Variants in RPP40 observed in about 807,000 individuals in gnomAD.
RPP40 encodes the protein ribonuclease P/MRP subunit p40.
Under a neutral mutation model 42.5 loss-of-function variants are expected in RPP40, and 30 were observed. That is an observed-to-expected ratio of 0.71 (90% CI 0.53 to 0.96). The LOEUF is 0.96. Ranked by LOEUF, RPP40 falls within the 40% of genes least tolerant of loss-of-function variation. RPP40 has a pLI of 0.00. For missense variants in RPP40, 426 were observed against 433.5 expected, an observed-to-expected ratio of 0.98 and a Z score of 0.15; for synonymous variants, 173 against 164.0, an observed-to-expected ratio of 1.05 and a Z score of -0.42.
intron 1 of RPP40, 44 bp downstream of exon 1, chr6:5,003,836 G>T (rs1207765353): frequency 6.3e-7 from 1 of 1,582,536 alleles, no homozygotes; most frequent in South Asian, 1.1e-5. Context: ...TCTCGCACGC[G>T]GGGACTGAGC....
At position 4,996,200 on chromosome 6, in the gene RPP40, C is replaced by T. The variant is rs1759373791; in HGVS notation, c.758+22G>A. ...AGCAGCAGGCCAGAGCCCTGGAAGA[C>T]ACAGGGAGTTCAGATACCCACAGGT... On this transcript the variant is annotated intron_variant, in intron 6 of 7. Coordinates refer to ENST00000380051, the MANE Select transcript of RPP40 (RefSeq NM_006638.4). The T allele has an allele frequency of 1.9e-6, 3 of 1,611,076 alleles. No homozygotes were observed. In the Admixed American group the frequency reaches 5.0e-5, roughly 27 times the overall value.
At chr6:5,002,073 G>A (rs766627186) in intron 2 of RPP40, 28 bp downstream of exon 2, 1 of 1,603,014 alleles carries the variant, frequency 6.2e-7, no homozygotes, top group South Asian at 1.1e-5. Context: ...ATCCAGCCTT[G>A]TTCACAGCCA....
At chr6:4,993,561 T>G (rs1759290344), downstream of RPP40, among the ~76,000 whole-genome samples, 1 of 152,186 alleles carries the variant, frequency 6.6e-6, no homozygotes, top group South Asian at 2.1e-4. Flanking sequence ...TTCTATGAAC[T>G]TACATTCCTT....
At chr6:4,993,349 C>G (rs956786267), downstream of RPP40, among the ~76,000 whole-genome samples, 4 of 152,258 alleles carry the variant, frequency 2.6e-5, no homozygotes, top group East Asian at 5.8e-4. Flanking sequence ...ATTTTTCATT[C>G]CTAGATTTGT....
In RPP40 at chr6:5,003,916, G is replaced by A. The variant is rs375449827; in HGVS notation, c.87C>T (p.His29=). 19 of 1,613,812 alleles carry A rather than the reference G, an allele frequency of 1.2e-5. No homozygotes were observed. In the African/African-American group the frequency reaches 2.1e-4, roughly 18 times the overall value. Reference sequence around the variant, plus strand: ...AGTAGTGCGTCTGCACAAGATGCCGGTGGCGCGACTTGTGGTTGCCGAAGT... The same window carrying A: ...AGTAGTGCGTCTGCACAAGATGCCGATGGCGCGACTTGTGGTTGCCGAAGT... ...KSNFGNHKSR[H]RHLVQTHYYN... is the part of the protein sequence containing the mutation. Residue 29 remains histidine, a synonymous_variant, in exon 1 of 8, where the codon CAC becomes CAT. Transcript: ENST00000380051.
downstream of RPP40, among the ~76,000 whole-genome samples, chr6:4,994,468 G>A (rs1430302194): frequency 6.6e-6 from 1 of 152,152 alleles, no homozygotes; most frequent in Non-Finnish European, 1.5e-5. Context: ...CAGCCTTACT[G>A]CTGGAAATAA....
chr6:4,993,804 G>A (rs1360307978), downstream of RPP40, among the ~76,000 whole-genome samples: 1 of 152,130 alleles, frequency 6.6e-6, no homozygotes, highest in Non-Finnish European at 1.5e-5. Flanking sequence ...CTGTTCACAG[G>A]GGTTGGGGGG....
chr6:5,002,474 T>C (rs1320468263), intron 1 of RPP40, among the ~76,000 whole-genome samples: 1 of 152,224 alleles, frequency 6.6e-6, no homozygotes, highest in African/African-American at 2.4e-5. Context: ...AGGAAGGGGA[T>C]TGAACAGAAT....
chr6:4,991,398 T>G (rs1759260254), downstream of RPP40, among the ~76,000 whole-genome samples: 1 of 152,308 alleles, frequency 6.6e-6, no homozygotes, highest in South Asian at 2.1e-4. Context: ...CGTACTATGA[T>G]TTTTGTTTGA....
At chr6:4,992,516 A>C (rs556742382), downstream of RPP40, among the ~76,000 whole-genome samples, 11 of 152,338 alleles carry the variant, frequency 7.2e-5, no homozygotes, top group East Asian at 2.1e-3. Flanking sequence ...ATTTTGATTA[A>C]TATAGCCACT....
In RPP40 at chr6:4,996,004, T is replaced by A. The variant is rs747920946; in HGVS notation, c.840A>T (p.Thr280=). The part of the protein sequence containing the change: ...STVVAKAYLC[T]ITGFILPEKI... Reference sequence around the variant, plus strand: ...TCTCTGGAAGTATGAAGCCAGTGATTGTACACAAATAAGCTTTTGCCACCA... The same window carrying A: ...TCTCTGGAAGTATGAAGCCAGTGATAGTACACAAATAAGCTTTTGCCACCA... Residue 280 remains threonine, a synonymous_variant, in exon 7 of 8, where the codon ACA becomes ACT. Coordinates refer to ENST00000380051, the MANE Select transcript of RPP40 (RefSeq NM_006638.4). 1 of 1,614,098 alleles carries A rather than the reference T, an allele frequency of 6.2e-7. No homozygotes were observed. The highest frequency in any genetic ancestry group is 1.7e-5 in the Admixed American group (1 of 60,022).
chr6:4,999,657 TC>T, intron 4 of RPP40, 151 bp downstream of exon 4: 1 of 578,394 alleles, frequency 1.7e-6, no homozygotes, highest in Non-Finnish European at 3.1e-6. Context: ...AAAAGCATCA[TC>T]CTATCCTCTG....
At chr6:5,001,222 A>C in intron 2 of RPP40, 1 of 448,584 alleles carries the variant, frequency 2.2e-6, no homozygotes, top group Non-Finnish European at 4.5e-6. Context: ...TCACTGTTAA[A>C]TGAGGATCAT....
rs1440229723 is a variant in RPP40 at position 4,995,174 on chromosome 6, T to C, written c.996A>G (p.Arg332=). 1 of 1,614,140 alleles carries C rather than the reference T, an allele frequency of 6.2e-7. No homozygotes were observed. Among genetic ancestry groups the C allele is most frequent in the East Asian group, 2.2e-5 (1 of 44,888 alleles). The change falls in exon 8 of 8, where the codon CGA becomes CGG. Residue 332 remains arginine (R), a synonymous_variant. Coordinates refer to ENST00000380051, the MANE Select transcript of RPP40 (RefSeq NM_006638.4). The stretch of plus-strand genomic sequence containing the variant: ...AGTTATATAAATGTTCTCCTCCTTT[T>C]CGAAAACCATGTTCATTTTTTTCCC... ...VSWEKNEHGF[R]KGGEHLYNFV...
intron 1 of RPP40, 63 bp from the exon 2 acceptor site, chr6:5,002,308 G>A: frequency 7.5e-7 from 1 of 1,333,162 alleles, no homozygotes; most frequent in African/African-American, 1.5e-5. Context: ...CAGGTTTTTA[G>A]GAATGAAACA....
chr6:4,995,063 T>A lies in RPP40; in HGVS notation c.*15A>T. On this transcript the variant is annotated 3_prime_UTR_variant, in exon 8 of 8. Coordinates refer to ENST00000380051, the MANE Select transcript of RPP40 (RefSeq NM_006638.4). ...AGCGTAAATGTAAGTAAACACGATT[T>A]TTAATTTTTATTTTTTATGGTGGAC... is the stretch of plus-strand genomic sequence containing the variant. 1.2e-6 allele frequency: 2 copies of A among 1,601,632 alleles called. No individual in the cohort carries two copies. The highest frequency in any genetic ancestry group is 1.7e-6 in the Non-Finnish European group (2 of 1,174,364).
chr6:5,000,977 T>C (rs572990167), intron 2 of RPP40: 1 of 457,620 alleles, frequency 2.2e-6, no homozygotes, highest in Non-Finnish European at 4.3e-6. Context: ...AGACCAAGCA[T>C]GCAGAAGACC....
downstream of RPP40, among the ~76,000 whole-genome samples, chr6:4,990,447 A>C (rs1759245450): frequency 6.6e-6 from 1 of 152,108 alleles, no homozygotes; most frequent in Non-Finnish European, 1.5e-5. Flanking sequence ...TTCTGGCCTC[A>C]GATAATGAGG....
chr6:4,991,441 A>G (rs1000012906), downstream of RPP40, among the ~76,000 whole-genome samples: 2 of 152,206 alleles, frequency 1.3e-5, no homozygotes, highest in African/African-American at 2.4e-5. Flanking sequence ...TTATTTCTCA[A>G]GAAACAAAAT....
Sources: allele counts gnomAD v4.1 joint callset (sites outside exome capture counted in the v4.1 genomes callset), GRCh38; gene constraint gnomAD v4.1.1; transcripts MANE v1.5; gene names NCBI Gene and HGNC (gene_info 2026-07-23, HGNC 2026-07-21).